The following SHROOM3 variants were observed in gnomAD, a reference collection of about 807,000 sequenced individuals.
SHROOM3 encodes protein Shroom3.
A neutral mutation model predicts 138.6 loss-of-function variants in SHROOM3; 47 were observed. The ratio of observed to expected loss-of-function variants is 0.34; its 90% CI spans 0.27 to 0.43. SHROOM3 has a LOEUF of 0.43. SHROOM3 is among the 20% of genes least tolerant of loss of function. The pLI, the probability that SHROOM3 is intolerant of heterozygous loss-of-function variation, is 1.00. For missense variants in SHROOM3, 2,491 were observed against 2,596.5 expected (o/e 0.96, Z 0.88); for synonymous variants, 1,062 against 1,063.3 (o/e 1.00, Z 0.02).
At chr4:76,599,903 C>A (rs1029431153) in intron 2 of SHROOM3, among the ~76,000 whole-genome samples, 1 of 152,164 alleles carries the variant, frequency 6.6e-6, no homozygotes, top group African/African-American at 2.4e-5. Flanking sequence ...AGATATGGCA[C>A]CTGGAATCCC....
At chr4:76,579,966 T>A (rs906929092) in intron 2 of SHROOM3, among the ~76,000 whole-genome samples, 1 of 152,236 alleles carries the variant, frequency 6.6e-6, no homozygotes, top group African/African-American at 2.4e-5. Flanking sequence ...ATGTGCTGAC[T>A]GCTTGTTTGT....
In SHROOM3 at chr4:76,608,663, TAGCACAGCATAGCAC is replaced by T. The variant is rs1390865045; in HGVS notation, c.323+52910_323+52924del. On this transcript the variant is annotated intron_variant, in intron 2 of 10. Transcript: ENST00000296043. The stretch of plus-strand genomic sequence containing the variant: ...TAGCATAGCATAGCATAGCATAGCA[TAGCACAGCATAGCAC>T]AGCACAGCACAGCACAGCACAGCAC... 2.7e-3 allele frequency among the ~76,000 whole-genome samples: 86 copies of T among 31,418 alleles called. 2 individuals are homozygous for T. The highest frequency in any genetic ancestry group is 0.028 in the Middle Eastern group (1 of 36). 20.6% of individuals were successfully genotyped at this position (31,418 alleles called of 152,430 possible).
chr4:76,693,272 A>G (rs1253498485), intron 2 of SHROOM3, among the ~76,000 whole-genome samples: 1 of 151,546 alleles, frequency 6.6e-6, no homozygotes, highest in Non-Finnish European at 1.5e-5. Context: ...AAGTATTTAC[A>G]CTTTTGTGAA....
At chr4:76,737,570 T>C (rs970187078) in intron 4 of SHROOM3, among the ~76,000 whole-genome samples, 1 of 152,228 alleles carries the variant, frequency 6.6e-6, no homozygotes, top group African/African-American at 2.4e-5. Flanking sequence ...TTTCTCTTGC[T>C]CCCCATCCTC....
Position 76,620,070 on chromosome 4 carries a change from CAAAAAAAAAAAAAA to C in SHROOM3, c.323+64317_323+64330del, listed in dbSNP as rs68039696. The stretch of plus-strand genomic sequence containing the variant: ...TGGGCAACAGAACAGGAATCTATCT[CAAAAAAAAAAAAAA>C]AAAAAAAAAGAAGAAAAGAAAAAGA... On this transcript the variant is annotated intron_variant, in intron 2 of 10. Coordinates refer to ENST00000296043, the MANE Select transcript of SHROOM3 (RefSeq NM_020859.4). Among the ~76,000 whole-genome samples the C allele has an allele frequency of 1.5e-4, 9 of 61,104 alleles. No homozygotes were observed. In the South Asian group the frequency reaches 5.2e-3, roughly 35 times the overall value. 40.1% of individuals were successfully genotyped at this position (61,104 alleles called of 152,430 possible).
At chr4:76,694,011 G>A (rs962498427) in intron 2 of SHROOM3, among the ~76,000 whole-genome samples, 3 of 151,784 alleles carry the variant, frequency 2.0e-5, no homozygotes, top group African/African-American at 4.8e-5. Context: ...CAAAATTAAC[G>A]TCATGCTTTT....
chr4:76,505,398 A>G (rs1732188034), intron 1 of SHROOM3, among the ~76,000 whole-genome samples: 1 of 152,140 alleles, frequency 6.6e-6, no homozygotes, highest in Non-Finnish European at 1.5e-5. Context: ...TTAAAGATGT[A>G]CACTTCTGTT....
At position 76,740,787 on chromosome 4, in the gene SHROOM3, T is replaced by C. The variant is rs759838809; in HGVS notation, c.2614T>C (p.Ser872Pro). ...PCGQQLSGGASDSGRGPQRPD... is the reference protein window; with the variant it reads ...PCGQQLSGGAPDSGRGPQRPD... ...CGGTCAGCAGCTGAGCGGAGGAGCGTCGGACAGCGGCCGTGGCCCCCAGAG... is the reference window on the plus strand; with the variant it reads ...CGGTCAGCAGCTGAGCGGAGGAGCGCCGGACAGCGGCCGTGGCCCCCAGAG... Residue 872 changes from serine (S) to proline (P), a missense_variant, in exon 5 of 11, where the codon TCG (serine) becomes CCG (proline). Transcript: ENST00000296043. The surrounding 1 kb of genome is among the most constrained non-coding windows in gnomAD (Gnocchi z 4.0). The C allele has an allele frequency of 6.2e-7, 1 of 1,611,312 alleles. No homozygotes were observed. The highest frequency in any genetic ancestry group is 1.1e-5 in the South Asian group (1 of 91,028).
intron 1 of SHROOM3, chr4:76,509,313 G>A (rs1286686142): frequency 6.6e-6 from 1 of 152,016 alleles, no homozygotes; most frequent in Non-Finnish European, 1.5e-5. Context: ...GTTAGTTTTT[G>A]TAGTACAGCT....
chr4:76,548,997 TG>T (rs1417188035), intron 1 of SHROOM3, among the ~76,000 whole-genome samples: 1 of 152,218 alleles, frequency 6.6e-6, no homozygotes, highest in Non-Finnish European at 1.5e-5. Context: ...TTTTAGCTGC[TG>T]AAGTAATTGG....
chr4:76,598,294 G>C (rs528596001), intron 2 of SHROOM3, among the ~76,000 whole-genome samples: 19 of 152,190 alleles, frequency 1.2e-4, no homozygotes, highest in South Asian at 4.2e-4. Flanking sequence ...CGAAAGTCCT[G>C]GGATTACAGG....
At chr4:76,496,764 CTCAT>C (rs1731976104) in intron 1 of SHROOM3, among the ~76,000 whole-genome samples, 1 of 143,290 alleles carries the variant, frequency 7.0e-6, no homozygotes, top group Non-Finnish European at 1.5e-5. Context: ...TATTCCCTTC[CTCAT>C]TCAGTCAATT....
chr4:76,723,921 C>T (rs904507525), intron 3 of SHROOM3, among the ~76,000 whole-genome samples: 1 of 152,224 alleles, frequency 6.6e-6, no homozygotes, highest in African/African-American at 2.4e-5. Flanking sequence ...TGAGCCTCCC[C>T]AGCAAGATTA....
chr4:76,540,825 T>C (rs964738023), intron 1 of SHROOM3, among the ~76,000 whole-genome samples: 2 of 152,202 alleles, frequency 1.3e-5, no homozygotes, highest in Admixed American at 1.3e-4. Flanking sequence ...AGCCTAACTA[T>C]TTTAGTATGT....
intron 9 of SHROOM3, among the ~76,000 whole-genome samples, chr4:76,766,866 G>C (rs17002205): frequency 0.11 from 16,023 of 152,214 alleles, 1,124 homozygotes; most frequent in East Asian, 0.22. Flanking sequence ...TCTGGCCTTA[G>C]CATCTGTGGC....
intron 2 of SHROOM3, among the ~76,000 whole-genome samples, chr4:76,613,271 TC>T (rs1734801588): frequency 6.6e-6 from 1 of 152,148 alleles, no homozygotes; most frequent in South Asian, 2.1e-4. Flanking sequence ...ACTGGACAAG[TC>T]AGTTCATTTC....
intron 2 of SHROOM3, among the ~76,000 whole-genome samples, chr4:76,616,485 TATC>T (rs1298458713): frequency 6.6e-6 from 1 of 152,068 alleles, no homozygotes; most frequent in Non-Finnish European, 1.5e-5. Flanking sequence ...CACAATGAAA[TATC>T]ATTCAGCCTT....
chr4:76,712,241 G>C (rs1443645191), intron 3 of SHROOM3, among the ~76,000 whole-genome samples: 2 of 152,158 alleles, frequency 1.3e-5, no homozygotes, highest in Non-Finnish European at 2.9e-5. Context: ...ACAGATTTGA[G>C]ATAAATTTAG....
chr4:76,458,298 G>A (rs1367089565), intron 1 of SHROOM3, among the ~76,000 whole-genome samples: 4 of 152,252 alleles, frequency 2.6e-5, no homozygotes, highest in African/African-American at 9.6e-5. Context: ...CAAAATTTGG[G>A]AGAATATGTA....
Sources: gnomAD v4.1 joint callset for allele counts (sites outside exome capture counted in the v4.1 genomes callset) on GRCh38, gnomAD v4.1.1 for gene constraint, Gnocchi (gnomAD v3.1) non-coding constraint, MANE v1.5 for transcripts, NCBI Gene and HGNC (gene_info 2026-07-23, HGNC 2026-07-21) for gene names.